Variants in APCDD1L observed in about 807,000 individuals in gnomAD.
The protein encoded by APCDD1L is APC down-regulated 1 like.
Under a neutral mutation model 24.2 loss-of-function variants are expected in APCDD1L, and 21 were observed. That is an observed-to-expected ratio of 0.87 (90% CI 0.61 to 1.25). The LOEUF is 1.25. Among genes scored for constraint, APCDD1L ranks in the 50% most tolerant of loss-of-function variants. APCDD1L has a pLI of 0.00. For synonymous variants in APCDD1L, 321 were observed against 323.6 expected, an observed-to-expected ratio of 0.99 and a Z score of 0.09; for missense variants, 704 against 711.7, an observed-to-expected ratio of 0.99 and a Z score of 0.12.
At position 58,461,386 on chromosome 20, in the gene APCDD1L, A is replaced by G. The variant is rs1417886796; in HGVS notation, c.910T>C (p.Phe304Leu). ...AVLFLTRLFT[F>L]HGHSRSWEGY... ...TCCCAGGAGCGGCTGTGCCCGTGGA[A>G]AGTGAAGAGCCGGGTGAGGAACAGG... is the stretch of plus-strand genomic sequence containing the variant. Residue 304 changes from phenylalanine (F) to leucine (L), a missense_variant, in exon 4 of 4, where the codon TTC becomes CTC. Coordinates refer to ENST00000371149, the MANE Select transcript of APCDD1L (RefSeq NM_153360.3). This position sits in a 1 kb window ranked among gnomAD's most constrained non-coding sequence, Gnocchi z 6.0. 2 of 1,558,906 alleles carry G rather than the reference A, an allele frequency of 1.3e-6. No individual in the cohort carries two copies. The highest frequency in any genetic ancestry group is 2.4e-5 in the South Asian group (2 of 83,134).
chr20:58,509,444 C>T (rs1261818182), intron 1 of APCDD1L, among the ~76,000 whole-genome samples: 1 of 152,164 alleles, frequency 6.6e-6, no homozygotes, highest in Non-Finnish European at 1.5e-5. Flanking sequence ...TCTCCTTGGG[C>T]AAGTCACCTA....
Position 58,461,652 on chromosome 20 carries a change from G to A in APCDD1L, c.742-98C>T. 2 of 1,255,604 alleles carry A rather than the reference G, an allele frequency of 1.6e-6. No homozygotes were observed. The highest frequency in any genetic ancestry group is 2.8e-5 in the East Asian group (1 of 35,828). The allele number at this position is 1,255,604 out of a possible 1,614,324, so 77.8% of individuals were successfully genotyped here. A position where few individuals can be genotyped will look rare whatever the true frequency, so the allele number is the denominator to read the frequency against. ...CCAGCTCTGTAGGGGTGTCAAGGCAGGGTGAGGTGCGGCCTGTCCCTCCCT... is the reference window on the plus strand; with the variant it reads ...CCAGCTCTGTAGGGGTGTCAAGGCAAGGTGAGGTGCGGCCTGTCCCTCCCT... On this transcript the variant is annotated intron_variant, in intron 3 of 3. Transcript: ENST00000371149. This position sits in a 1 kb window ranked among gnomAD's most constrained non-coding sequence, Gnocchi z 6.0.
In APCDD1L at chr20:58,460,007, A is replaced by G. The variant is rs2180481; in HGVS notation, c.*783T>C. 0.12 allele frequency: 18,827 copies of G among 152,468 alleles called. 1,314 individuals are homozygous for G. The highest frequency in any genetic ancestry group is 0.27 in the East Asian group (1,396 of 5,172). The allele number at this position is 152,468 out of a possible 1,614,324, so 9.4% of individuals were successfully genotyped here. On this transcript the variant is annotated 3_prime_UTR_variant, in exon 4 of 4. Coordinates refer to ENST00000371149, the MANE Select transcript of APCDD1L (RefSeq NM_153360.3). This position sits in a 1 kb window ranked among gnomAD's most constrained non-coding sequence, Gnocchi z 4.2. ...CACACTGGCATTTGCCTGGGCCAGG[A>G]AGGCTTGGAGGCCGCAGGCTGCTCT...
rs1990565233 is a variant in APCDD1L, at chr20:58,508,568, C to G, written c.49+6091G>C. ...GAGATGAGGACAATGGAGCAGAGGA[C>G]TGGCGGAGGGGAGGTGGCTGGGGAG... On this transcript the variant is annotated intron_variant, in intron 1 of 3. Transcript: ENST00000371149. This position sits in a 1 kb window ranked among gnomAD's most constrained non-coding sequence, Gnocchi z 4.0. Among the ~76,000 whole-genome samples, 1 of 152,192 alleles carries G rather than the reference C, an allele frequency of 6.6e-6. No individual in the cohort carries two copies. The highest frequency in any genetic ancestry group is 2.4e-5 in the African/African-American group (1 of 41,430).
At chr20:58,489,433 C>T (rs1036167573) in intron 1 of APCDD1L, among the ~76,000 whole-genome samples, 1 of 151,896 alleles carries the variant, frequency 6.6e-6, no homozygotes, top group African/African-American at 2.4e-5. Flanking sequence ...CCTGTAATCC[C>T]AGTACTTTGG....
chr20:58,489,679 T>A lies in APCDD1L; in HGVS notation c.50-18932A>T, dbSNP rs1456586418. 2.5e-5 allele frequency among the ~76,000 whole-genome samples: 3 copies of A among 122,024 alleles called. No individual in the cohort carries two copies. The Admixed American group carries it at 2.9e-4, about 12-fold the overall frequency. 80.1% of individuals were successfully genotyped at this position (122,024 alleles called of 152,430 possible). A position where few individuals can be genotyped will look rare whatever the true frequency, so the allele number is the denominator to read the frequency against. ...AGCCTGGGCAACAAGAGCGAAACTT[T>A]GTGTGGAAAAAAAAAAAAAAGAAAA... is the stretch of plus-strand genomic sequence containing the variant. On this transcript the variant is annotated intron_variant, in intron 1 of 3. Transcript: ENST00000371149.
intron 1 of APCDD1L, among the ~76,000 whole-genome samples, chr20:58,475,274 G>A (rs187939853): frequency 6.6e-6 from 1 of 152,258 alleles, no homozygotes; most frequent in East Asian, 1.9e-4. Flanking sequence ...CTTGTTCTGA[G>A]GTTCTCGAAG....
chr20:58,503,119 G>T (rs1990472915), intron 1 of APCDD1L, among the ~76,000 whole-genome samples: 1 of 152,160 alleles, frequency 6.6e-6, no homozygotes, highest in Admixed American at 6.5e-5. Context: ...TGGGGGTGGG[G>T]TTTCCTAGCA....
At position 58,515,353 on chromosome 20, in the gene APCDD1L, GC is replaced by G. The variant is rs1990724287; in HGVS notation, c.-647del. The G allele has an allele frequency of 3.0e-6, 1 of 333,918 alleles. No individual in the cohort carries two copies. The highest frequency in any genetic ancestry group is 5.4e-6 in the Non-Finnish European group (1 of 185,916). The allele number at this position is 333,918 out of a possible 1,614,324, so 20.7% of individuals were successfully genotyped here. A position where few individuals can be genotyped will look rare whatever the true frequency, so the allele number is the denominator to read the frequency against. On this transcript the variant is annotated 5_prime_UTR_variant, in exon 1 of 4. Coordinates refer to ENST00000371149, the MANE Select transcript of APCDD1L (RefSeq NM_153360.3). ...GCCCCGGCCTCTGTCTGTAAATGAG[GC>G]CGTCACCCGCTCCCCACCACACCCA...
rs76284718 is a variant in APCDD1L, at chr20:58,461,177, G to A, written c.1119C>T (p.Phe373=). Reference sequence around the variant, plus strand: ...CACCCCCACAGCTGCTTGGCTCAGAGAAGTTGAGCATGGCCGTGGTGACCT... The same window carrying A: ...CACCCCCACAGCTGCTTGGCTCAGAAAAGTTGAGCATGGCCGTGGTGACCT... The part of the protein sequence containing the change: ...MDQVTTAMLN[F]SEPSSCGGAG... Residue 373 remains phenylalanine (F), a synonymous_variant, in exon 4 of 4, where the codon TTC becomes TTT. Transcript: ENST00000371149. The surrounding 1 kb of genome is among the most constrained non-coding windows in gnomAD (Gnocchi z 6.0). 1.7e-4 allele frequency: 277 copies of A among 1,613,318 alleles called. 1 individual carries two copies. The East Asian group carries it at 6.0e-3, about 35-fold the overall frequency.
chr20:58,499,478 T>C (rs1026873833), intron 1 of APCDD1L, among the ~76,000 whole-genome samples: 3 of 152,162 alleles, frequency 2.0e-5, no homozygotes, highest in Non-Finnish European at 2.9e-5. Flanking sequence ...TTTCCCAGTC[T>C]CTTCTCATGC....
At chr20:58,466,792 C>T (rs149110246) in intron 3 of APCDD1L, among the ~76,000 whole-genome samples, 85 of 152,328 alleles carry the variant, frequency 5.6e-4, no homozygotes, top group Non-Finnish European at 5.9e-5. Context: ...ACCCACCAAG[C>T]CTCTGTGCCC....
intron 3 of APCDD1L, among the ~76,000 whole-genome samples, chr20:58,463,831 G>A (rs986803135): frequency 4.3e-5 from 6 of 138,558 alleles, no homozygotes; most frequent in African/African-American, 1.3e-4. Context: ...CATGCCAGAC[G>A]AGTGGCACTT....
At position 58,508,732 on chromosome 20, in the gene APCDD1L, T is replaced by C. The variant is rs1990569239; in HGVS notation, c.49+5927A>G. Among the ~76,000 whole-genome samples the C allele has an allele frequency of 6.6e-6, 1 of 152,202 alleles. No individual in the cohort carries two copies. Among genetic ancestry groups the C allele is most frequent in the Non-Finnish European group, 1.5e-5 (1 of 68,044 alleles). On this transcript the variant is annotated intron_variant, in intron 1 of 3. Transcript: ENST00000371149. This position sits in a 1 kb window ranked among gnomAD's most constrained non-coding sequence, Gnocchi z 4.0. ...ACCTACTATGTGCCAGGCACTGTTC[T>C]AGGGACCCGGGAAAGAACTGTCGAT...
At chr20:58,472,627 G>A (rs1395270732) in intron 1 of APCDD1L, among the ~76,000 whole-genome samples, 1 of 152,228 alleles carries the variant, frequency 6.6e-6, no homozygotes, top group Admixed American at 6.5e-5. Context: ...GGTTCATCCT[G>A]CAACTGATTT....
intron 2 of APCDD1L, among the ~76,000 whole-genome samples, chr20:58,470,056 T>C (rs540493889): frequency 6.4e-4 from 97 of 152,274 alleles, no homozygotes; most frequent in African/African-American, 2.3e-3. Context: ...ATTAGATGGG[T>C]GCACCCAGGC....
intron 1 of APCDD1L, among the ~76,000 whole-genome samples, chr20:58,496,813 C>T (rs868527083): frequency 2.6e-5 from 4 of 152,000 alleles, no homozygotes; most frequent in African/African-American, 7.2e-5. Context: ...GGAGGAAGGC[C>T]GGGAGACCCC....
intron 3 of APCDD1L, among the ~76,000 whole-genome samples, chr20:58,465,939 C>A: frequency 6.6e-6 from 1 of 152,080 alleles, no homozygotes; most frequent in East Asian, 1.9e-4. Context: ...CACGTATTTT[C>A]TCTTATGCTT....
At chr20:58,499,669 A>C (rs1049091088) in intron 1 of APCDD1L, among the ~76,000 whole-genome samples, 3 of 152,130 alleles carry the variant, frequency 2.0e-5, no homozygotes, top group African/African-American at 7.2e-5. Context: ...CCTGGCCCCT[A>C]CCTGCTCCTG....
Sources: allele counts gnomAD v4.1 joint callset (sites outside exome capture counted in the v4.1 genomes callset), GRCh38; gene constraint gnomAD v4.1.1; non-coding constraint Gnocchi (gnomAD v3.1); transcripts MANE v1.5; gene names NCBI Gene and HGNC (gene_info 2026-07-23, HGNC 2026-07-21).